HPGDS: variants seen among roughly 807,000 people sequenced by gnomAD.
HPGDS encodes the protein GST class-sigma.
HPGDS carries 26 observed loss-of-function variants against 23.1 expected under a neutral mutation model. That is an observed-to-expected ratio of 1.13 (90% CI 0.83 to 1.56). The LOEUF (loss-of-function observed/expected upper bound fraction) is 1.56, where lower values mean the gene tolerates loss of function less well. Among genes scored for constraint, HPGDS ranks in the 40% most tolerant of loss-of-function variants. HPGDS has a pLI of 0.00. For missense variants in HPGDS, 268 were observed against 236.4 expected (o/e 1.13, Z -0.88); for synonymous variants, 95 against 77.9 (o/e 1.22, Z -1.16).
At chr4:94,342,362 T>C (rs1305042405) in intron 1 of HPGDS, among the ~76,000 whole-genome samples, 1 of 152,090 alleles carries the variant, frequency 6.6e-6, no homozygotes, top group Non-Finnish European at 1.5e-5. Context: ...TAAAATAATA[T>C]AAAATATTAC....
chr4:94,315,145 C>T (rs1560588279), intron 3 of HPGDS, among the ~76,000 whole-genome samples: 2 of 152,212 alleles, frequency 1.3e-5, no homozygotes, highest in Admixed American at 6.5e-5. Context: ...CACCCACTGT[C>T]CTGCACCTAC....
intron 3 of HPGDS, among the ~76,000 whole-genome samples, chr4:94,309,620 T>C (rs1756218612): frequency 1.3e-5 from 2 of 152,198 alleles, no homozygotes. Flanking sequence ...AGCAGCATGA[T>C]TTATAATCCT....
At chr4:94,332,719 T>C (rs1756756026) in intron 2 of HPGDS, among the ~76,000 whole-genome samples, 1 of 152,270 alleles carries the variant, frequency 6.6e-6, no homozygotes, top group African/African-American at 2.4e-5. Context: ...AACATTTTTC[T>C]AGTCAATCCT....
intron 2 of HPGDS, among the ~76,000 whole-genome samples, chr4:94,326,395 C>T (rs1197415187): frequency 1.3e-5 from 2 of 152,104 alleles, no homozygotes; most frequent in African/African-American, 4.8e-5. Flanking sequence ...AGGCTTTCTT[C>T]ATCCTTTTTT....
intron 3 of HPGDS, among the ~76,000 whole-genome samples, chr4:94,312,941 A>G (rs1355370381): frequency 6.6e-6 from 1 of 151,990 alleles, no homozygotes; most frequent in African/African-American, 2.4e-5. Context: ...CTGTTTTATC[A>G]GAGACTAGGA....
At chr4:94,318,800 C>T (rs939259601) in intron 2 of HPGDS, among the ~76,000 whole-genome samples, 15 of 152,090 alleles carry the variant, frequency 9.9e-5, no homozygotes, top group African/African-American at 3.1e-4. Flanking sequence ...GCAACTTCCA[C>T]CTCCCAGGTT....
intron 1 of HPGDS, among the ~76,000 whole-genome samples, chr4:94,340,262 T>C (rs1721111908): frequency 3.8e-5 from 1 of 26,408 alleles, no homozygotes; most frequent in African/African-American, 1.4e-4. Flanking sequence ...GGTCTAAACC[T>C]TTCTTTCTTT....
At chr4:94,334,187 G>T (rs1756783514) in intron 2 of HPGDS, 3 of 199,842 alleles carry the variant, frequency 1.5e-5, no homozygotes, top group Non-Finnish European at 3.0e-5. Context: ...TAAACTCTGT[G>T]CACTTCAGCT....
intron 3 of HPGDS, among the ~76,000 whole-genome samples, chr4:94,313,843 ATTC>A (rs1299234960): frequency 1.3e-5 from 2 of 151,844 alleles, no homozygotes; most frequent in Non-Finnish European, 2.9e-5. Context: ...ATTTCTTTTT[ATTC>A]TTTTTTCTCT....
intron 2 of HPGDS, among the ~76,000 whole-genome samples, chr4:94,327,460 G>A (rs976115985): frequency 2.0e-5 from 3 of 152,106 alleles, no homozygotes; most frequent in Non-Finnish European, 2.9e-5. Flanking sequence ...GGTAGTGGGT[G>A]GGGTGGGCTG....
chr4:94,308,036 T>C (rs987763117), intron 4 of HPGDS, among the ~76,000 whole-genome samples: 4 of 152,172 alleles, frequency 2.6e-5, no homozygotes, highest in African/African-American at 4.8e-5. Flanking sequence ...TTCCAGACTT[T>C]TTCAGATTTT....
intron 2 of HPGDS, among the ~76,000 whole-genome samples, chr4:94,321,198 A>T (rs879535933): frequency 6.6e-6 from 1 of 152,196 alleles, no homozygotes; most frequent in African/African-American, 2.4e-5. Context: ...AGGTAGCATG[A>T]TGTCTCCAGC....
intron 3 of HPGDS, among the ~76,000 whole-genome samples, chr4:94,309,983 T>G (rs1297992793): frequency 6.6e-6 from 1 of 152,232 alleles, no homozygotes; most frequent in Non-Finnish European, 1.5e-5. Flanking sequence ...GGTTGTTTGC[T>G]TTTTTCATGC....
chr4:94,311,862 C>T (rs1050719116), intron 3 of HPGDS, among the ~76,000 whole-genome samples: 3 of 151,190 alleles, frequency 2.0e-5, no homozygotes, highest in Non-Finnish European at 4.4e-5. Context: ...CTGGTTTAGC[C>T]TTGGGAGGGT....
At chr4:94,337,050 C>T (rs919797040) in intron 1 of HPGDS, among the ~76,000 whole-genome samples, 1 of 152,052 alleles carries the variant, frequency 6.6e-6, no homozygotes. Context: ...CTGCAACCTC[C>T]GCCTCCTGGA....
In HPGDS at chr4:94,313,047, G is replaced by T. The variant is rs1291559282; in HGVS notation, c.227-4304C>A. ...TATGTGTGTCTCTGCACGTGAGATG[G>T]GTTTCCTGAATACAGCACACTGATG... On this transcript the variant is annotated intron_variant, in intron 3 of 5. Coordinates refer to ENST00000295256, the MANE Select transcript of HPGDS (RefSeq NM_014485.3). Among the ~76,000 whole-genome samples the T allele has an allele frequency of 3.3e-5, 5 of 152,130 alleles. No homozygotes were observed. The East Asian group carries it at 7.7e-4, about 24-fold the overall frequency.
chr4:94,312,300 A>G, intron 3 of HPGDS, among the ~76,000 whole-genome samples: 1 of 152,148 alleles, frequency 6.6e-6, no homozygotes, highest in Non-Finnish European at 1.5e-5. Context: ...CCCTCTACAC[A>G]CTACTTTAAA....
intron 4 of HPGDS, among the ~76,000 whole-genome samples, chr4:94,306,181 C>A (rs1265535196): frequency 6.6e-6 from 1 of 152,032 alleles, no homozygotes; most frequent in Non-Finnish European, 1.5e-5. Flanking sequence ...CCCCACGATG[C>A]ATCCAGCTTG....
At position 94,340,311 on chromosome 4, in the gene HPGDS, C is replaced by CTTTTTCTTTTCTTT. The variant is rs1560598005; in HGVS notation, c.-10+2483_-10+2484insAAAGAAAAGAAAAA. ...TTTCTTTCTTTCTTTCTTTCTTTCT[C>CTTTTTCTTTTCTTT]TTTTTTTTTTTTTTTTTTTTTTTTT... On this transcript the variant is annotated intron_variant, in intron 1 of 5. Transcript: ENST00000295256. Among the ~76,000 whole-genome samples the CTTTTTCTTTTCTTT allele has an allele frequency of 8.4e-4, 20 of 23,686 alleles. 5 individuals carry two copies. The highest frequency in any genetic ancestry group is 1.6e-3 in the South Asian group (1 of 622). 15.5% of individuals were successfully genotyped at this position (23,686 alleles called of 152,430 possible).
Sources: gnomAD v4.1 joint callset for allele counts (sites outside exome capture counted in the v4.1 genomes callset) on GRCh38, gnomAD v4.1.1 for gene constraint, MANE v1.5 for transcripts, NCBI Gene and HGNC (gene_info 2026-07-23, HGNC 2026-07-21) for gene names.